The following ARPC3 variants were observed in gnomAD, a reference collection of about 807,000 sequenced individuals.
The protein encoded by ARPC3 is actin related protein 2/3 complex subunit 3.
ARPC3 carries 12 observed loss-of-function variants against 27.6 expected under a neutral mutation model. The observed-to-expected ratio is 0.43, with a 90% CI of 0.28 to 0.70. The LOEUF (loss-of-function observed/expected upper bound fraction) is 0.70. ARPC3 is among the 30% of genes least tolerant of loss of function. The pLI is 0.17. For missense variants in ARPC3, 153 were observed against 207.7 expected, an observed-to-expected ratio of 0.74 and a Z score of 1.62; for synonymous variants, 53 against 67.2, an observed-to-expected ratio of 0.79 and a Z score of 1.03.
chr12:110,447,754 A>G (rs77401979), intron 1 of ARPC3, among the ~76,000 whole-genome samples: 1 of 152,054 alleles, frequency 6.6e-6, no homozygotes, highest in South Asian at 2.1e-4. Flanking sequence ...GCCTGGCGAC[A>G]CAGCAAGACT....
intron 2 of ARPC3, 141 bp from the exon 3 acceptor site, chr12:110,440,529 C>A: frequency 3.0e-6 from 2 of 669,470 alleles, no homozygotes; most frequent in South Asian, 1.7e-5. Flanking sequence ...TATTGAAATA[C>A]AAAGTTTTTA....
At position 110,445,528 on chromosome 12, in the gene ARPC3, A is replaced by C. The variant is rs774747448; in HGVS notation, c.30T>G (p.Asp10Glu). ...TGTTTCCGATGAGTTTGGTATCAGG[A>C]TCCATGAGAGAAGAGTGGTAAGCCT... The part of the protein sequence containing the change: MPAYHSSLM[D>E]PDTKLIGNMA... Residue 10 changes from aspartate to glutamate, a missense_variant, in exon 2 of 7, where the codon GAT becomes GAG. Transcript: ENST00000228825. The C allele has an allele frequency of 2.5e-6, 4 of 1,613,498 alleles. No homozygotes were observed. The highest frequency in any genetic ancestry group is 3.4e-6 in the Non-Finnish European group (4 of 1,179,412).
intron 1 of ARPC3, among the ~76,000 whole-genome samples, chr12:110,449,434 C>T (rs2062486917): frequency 6.6e-6 from 1 of 151,782 alleles, no homozygotes; most frequent in East Asian, 1.9e-4. Flanking sequence ...TGGTGGCGCG[C>T]GCCTGTAATC....
chr12:110,436,721 CA>C, intron 4 of ARPC3, 38 bp from the exon 5 acceptor site: 1 of 907,186 alleles, frequency 1.1e-6, no homozygotes, highest in Non-Finnish European at 1.7e-6. Flanking sequence ...TACACACACA[CA>C]CACACACACA....
chr12:110,450,257 G>C lies in ARPC3; in HGVS notation c.4C>G (p.Pro2Ala), dbSNP rs1363156955. 1 of 1,613,994 alleles carries C rather than the reference G, an allele frequency of 6.2e-7. No homozygotes were observed. The highest frequency in any genetic ancestry group is 2.2e-5 in the East Asian group (1 of 44,858). M[P>A]AYHSSLMDPD... is the part of the protein sequence containing the mutation. ...CACACCGTGGATCGAACCCTCACCG[G>C]CATCTTGGCGGCGCCCGGGTTTCAA... Residue 2 changes from proline (P) to alanine (A), a missense_variant and splice_region_variant, in exon 1 of 7, where the codon CCG becomes GCG. By Grantham distance (27) the Pro-to-Ala change is conservative. Coordinates refer to ENST00000228825, the MANE Select transcript of ARPC3 (RefSeq NM_001278556.2).
Position 110,436,213 on chromosome 12 carries a change from G to C in ARPC3, c.380-9C>G, listed in dbSNP as rs1322382545. On this transcript the variant is annotated splice_polypyrimidine_tract_variant and intron_variant, in intron 5 of 6. Transcript: ENST00000228825. ...ATAGGCTCTCATCACTTCTAAAACA[G>C]AACAATTTAAAAAAAACTGTATTTG... 4.4e-6 allele frequency: 7 copies of C among 1,606,406 alleles called. No homozygotes were observed. The highest frequency in any genetic ancestry group is 6.0e-6 in the Non-Finnish European group (7 of 1,173,714).
rs751687625 is a variant in ARPC3 at position 110,436,631 on chromosome 12, T to G, written c.305A>C (p.Asn102Thr). Residue 102 changes from asparagine (N) to threonine (T), a missense_variant, in exon 5 of 7, where the codon AAT becomes ACT. By Grantham distance (65) the Asn-to-Thr change is moderately conservative. Transcript: ENST00000228825. ...EKEMYTLGIT[N>T]FPIPGEPGFP... ...ACCAGGCTCTCCAGGAATGGGAAAA[T>G]TAGTGATTCCCAGCGTATACATTTC... 9 of 1,612,108 alleles carry G rather than the reference T, an allele frequency of 5.6e-6. No individual in the cohort carries two copies. Among genetic ancestry groups the G allele is most frequent in the South Asian group, 1.1e-5 (1 of 91,052 alleles).
intron 2 of ARPC3, 51 bp downstream of exon 2, chr12:110,445,401 G>T (rs2062458635): frequency 7.5e-7 from 1 of 1,332,870 alleles, no homozygotes; most frequent in Non-Finnish European, 1.1e-6. Context: ...CATTTCAGAA[G>T]ATTGTTAGGC....
chr12:110,440,781 C>G (rs907511396), intron 2 of ARPC3, among the ~76,000 whole-genome samples: 2 of 150,574 alleles, frequency 1.3e-5, no homozygotes, highest in Non-Finnish European at 2.9e-5. Flanking sequence ...CTCCTGACCG[C>G]GTGATCCGCC....
Position 110,437,302 on chromosome 12 carries a change from C to T in ARPC3, c.184-150G>A. ...TCAAAACTCCCATTCTCCAAATGCA[C>T]AGTCTCCTCAGTCTCCTTTTCCGTC... On this transcript the variant is annotated intron_variant, in intron 3 of 6. Coordinates refer to ENST00000228825, the MANE Select transcript of ARPC3 (RefSeq NM_001278556.2). The T allele has an allele frequency of 2.8e-5, 18 of 640,076 alleles. No individual in the cohort carries two copies. In the South Asian group the frequency reaches 3.1e-4, roughly 11 times the overall value. 39.6% of individuals were successfully genotyped at this position (640,076 alleles called of 1,614,324 possible).
intron 6 of ARPC3, 28 bp downstream of exon 6, chr12:110,436,082 A>T: frequency 6.5e-7 from 1 of 1,545,860 alleles, no homozygotes. Flanking sequence ...GTGATTTACC[A>T]ATTAAGCAGG....
intron 2 of ARPC3, chr12:110,445,154 C>T (rs904761487): frequency 1.2e-5 from 4 of 337,632 alleles, no homozygotes; most frequent in Non-Finnish European, 2.2e-5. Flanking sequence ...ATGTGGCATT[C>T]TAGACGTAAC....
In ARPC3 at chr12:110,435,037, A is replaced by C. The variant is rs1403240545; in HGVS notation, c.*118T>G. 1.2e-6 allele frequency: 1 copy of C among 817,102 alleles called. No homozygotes were observed. Among genetic ancestry groups the C allele is most frequent in the African/African-American group, 1.7e-5 (1 of 59,510 alleles). 50.6% of individuals were successfully genotyped at this position (817,102 alleles called of 1,614,324 possible). On this transcript the variant is annotated 3_prime_UTR_variant, in exon 7 of 7. Coordinates refer to ENST00000228825, the MANE Select transcript of ARPC3 (RefSeq NM_001278556.2). ...ATTCTTGATCAAGAGTTTTTCAAGT[A>C]AAGACATGCTCTTCTCTCTTCTGTA... is the stretch of plus-strand genomic sequence containing the variant.
At chr12:110,446,694 C>T (rs1216803683) in intron 1 of ARPC3, among the ~76,000 whole-genome samples, 4 of 151,258 alleles carry the variant, frequency 2.6e-5, no homozygotes, top group Non-Finnish European at 5.9e-5. Context: ...CTGCAACCTC[C>T]GCCTCCTGGG....
intron 3 of ARPC3, among the ~76,000 whole-genome samples, chr12:110,437,855 A>G (rs2135498648): frequency 6.6e-6 from 1 of 152,296 alleles, no homozygotes; most frequent in East Asian, 1.9e-4. Context: ...AGAAATAGTC[A>G]TTACTCTAAA....
At chr12:110,439,816 G>A (rs754139575) in intron 3 of ARPC3, among the ~76,000 whole-genome samples, 1 of 152,100 alleles carries the variant, frequency 6.6e-6, no homozygotes, top group African/African-American at 2.4e-5. Flanking sequence ...CCTGGGCGAC[G>A]GAGCAAGACC....
intron 1 of ARPC3, among the ~76,000 whole-genome samples, chr12:110,446,859 G>A (rs942950717): frequency 2.6e-5 from 4 of 151,794 alleles, no homozygotes; most frequent in African/African-American, 4.8e-5. Flanking sequence ...CACCCGCCCC[G>A]GCCTCCCAAA....
chr12:110,436,540 T>C lies in ARPC3; in HGVS notation c.379+17A>G, dbSNP rs1290041384. The C allele has an allele frequency of 6.2e-7, 1 of 1,613,890 alleles. No individual in the cohort carries two copies. The highest frequency in any genetic ancestry group is 8.5e-7 in the Non-Finnish European group (1 of 1,179,928). On this transcript the variant is annotated intron_variant, in intron 5 of 6. Transcript: ENST00000228825. ...ATCTTCTTGTGTCACAGAGTGAGGA[T>C]AGAGACCTGTTCTTACCATCTTCCT...
chr12:110,450,245 G>C lies in ARPC3; in HGVS notation c.6+10C>G. ...CCGCTGTCTCCCCACACCGTGGATC[G>C]AACCCTCACCGGCATCTTGGCGGCG... On this transcript the variant is annotated intron_variant, in intron 1 of 6. Coordinates refer to ENST00000228825, the MANE Select transcript of ARPC3 (RefSeq NM_001278556.2). 3.1e-6 allele frequency: 5 copies of C among 1,614,086 alleles called. No individual in the cohort carries two copies. The highest frequency in any genetic ancestry group is 4.2e-6 in the Non-Finnish European group (5 of 1,179,978).
Sources: allele counts gnomAD v4.1 joint callset (sites outside exome capture counted in the v4.1 genomes callset), GRCh38; gene constraint gnomAD v4.1.1; transcripts MANE v1.5; gene names NCBI Gene and HGNC (gene_info 2026-07-23, HGNC 2026-07-21).